CYP2C8: variants seen among roughly 807,000 people sequenced by gnomAD.
CYP2C8 encodes the protein cytochrome P450 2C8.
Under a neutral mutation model 41.3 loss-of-function variants are expected in CYP2C8, and 51 were observed. The observed-to-expected ratio is 1.24, with a 90% CI of 0.99 to 1.56. The LOEUF is 1.56. CYP2C8 is among the 40% of genes most tolerant of loss of function. The probability of loss-of-function intolerance (pLI) is 0.00; values close to 1 mark genes in which losing one functional copy is unlikely to be tolerated. For missense variants in CYP2C8, 651 were observed against 579.9 expected, an observed-to-expected ratio of 1.12 and a Z score of -1.26; for synonymous variants, 218 against 205.8, an observed-to-expected ratio of 1.06 and a Z score of -0.51.
chr10:95,068,226 T>C (rs1176690781), intron 1 of CYP2C8, among the ~76,000 whole-genome samples: 1 of 152,040 alleles, frequency 6.6e-6, no homozygotes, highest in Non-Finnish European at 1.5e-5. Flanking sequence ...TCACCCCAGG[T>C]GATTCTAATG....
rs2033356227 is a variant in CYP2C8, at chr10:95,058,486, A to G, written c.668T>C (p.Ile223Thr). ...IQVCNNFPLL[I>T]DCFPGTHNKV... ...GTTGTGAGTTCCTGGGAAACAATCA[A>G]TGAGTAGAGGGAAATTATTGCAGAC... Residue 223 changes from isoleucine to threonine, a missense_variant, in exon 5 of 9, where the codon ATT becomes ACT. Coordinates refer to ENST00000371270, the MANE Select transcript of CYP2C8 (RefSeq NM_000770.3). The G allele has an allele frequency of 5.6e-6, 9 of 1,613,058 alleles. No individual in the cohort carries two copies. The highest frequency in any genetic ancestry group is 1.1e-5 in the South Asian group (1 of 91,050).
At position 95,045,682 on chromosome 10, in the gene CYP2C8, C is replaced by T. The variant is rs1183506932; in HGVS notation, c.961+128G>A. The T allele has an allele frequency of 3.5e-6, 4 of 1,134,106 alleles. No homozygotes were observed. The African/African-American group carries it at 4.6e-5, about 13-fold the overall frequency. The allele number at this position is 1,134,106 out of a possible 1,614,324, so 70.3% of individuals were successfully genotyped here. On this transcript the variant is annotated intron_variant, in intron 6 of 8. Transcript: ENST00000371270. ...TTTAAATTGTGTCATCAAATTTAGA[C>T]AGATTACAGCTGATGACACAGAAAT...
rs61757318 is a variant in CYP2C8 at position 95,037,187 on chromosome 10, CT to C, written c.1413del (p.Val472LeufsTer23). On this transcript the variant is annotated frameshift_variant, in exon 9 of 9. Transcript: ENST00000371270. LOFTEE classifies it low-confidence loss of function (END_TRUNC). ...GGCAGAGAAACAATCCCTTTGGTAA[CT>C]GCAGTAGTATTGAGGTTCTTTAAAT... ...VDDLKNLNTT[A>X]VTKGIVSLPP... The C allele has an allele frequency of 2.3e-5, 37 of 1,613,948 alleles. No homozygotes were observed. The highest frequency in any genetic ancestry group is 3.1e-5 in the Non-Finnish European group (36 of 1,179,886).
chr10:95,042,913 A>G lies in CYP2C8; in HGVS notation c.1126T>C (p.Phe376Leu). 1 of 1,614,124 alleles carries G rather than the reference A, an allele frequency of 6.2e-7. No individual in the cohort carries two copies. Among genetic ancestry groups the G allele is most frequent in the African/African-American group, 1.3e-5 (1 of 75,048 alleles). Reference sequence around the variant, plus strand: ...ACCTTGGGGATGAGGTAGTTTCTGAACTTAGTATCAGTGGTCACTGCATGG... The same window carrying G: ...ACCTTGGGGATGAGGTAGTTTCTGAGCTTAGTATCAGTGGTCACTGCATGG... ...VPHAVTTDTK[F>L]RNYLIPKGTT... The change falls in exon 7 of 9, where the codon TTC becomes CTC. Residue 376 changes from phenylalanine to leucine, a missense_variant. Coordinates refer to ENST00000371270, the MANE Select transcript of CYP2C8 (RefSeq NM_000770.3).
At chr10:95,057,241 C>T (rs2033332268) in intron 5 of CYP2C8, among the ~76,000 whole-genome samples, 1 of 152,030 alleles carries the variant, frequency 6.6e-6, no homozygotes, top group Non-Finnish European at 1.5e-5. Context: ...GGTCCCATGT[C>T]CAAGACCCAC....
chr10:95,057,913 C>T (rs2033342704), intron 5 of CYP2C8, among the ~76,000 whole-genome samples: 2 of 152,178 alleles, frequency 1.3e-5, no homozygotes, highest in Non-Finnish European at 2.9e-5. Flanking sequence ...CTGTTCCACA[C>T]TGAAAATATA....
intron 7 of CYP2C8, among the ~76,000 whole-genome samples, chr10:95,041,729 C>T (rs887922117): frequency 1.4e-5 from 2 of 142,292 alleles, no homozygotes; most frequent in Non-Finnish European, 3.0e-5. Context: ...TGCAGTGAGC[C>T]GAGATTGCGC....
chr10:95,066,574 A>G (rs1217759116), intron 3 of CYP2C8, among the ~76,000 whole-genome samples: 1 of 152,222 alleles, frequency 6.6e-6, no homozygotes, highest in African/African-American at 2.4e-5. Flanking sequence ...ACAAGAAATA[A>G]TTAATCCTGA....
At chr10:95,054,096 T>C (rs1207319947) in intron 5 of CYP2C8, among the ~76,000 whole-genome samples, 6 of 152,226 alleles carry the variant, frequency 3.9e-5, no homozygotes, top group Middle Eastern at 3.4e-3. Flanking sequence ...CTTTTACTAC[T>C]GCTATTCAGC....
At chr10:95,065,759 A>G (rs1415468826) in intron 3 of CYP2C8, among the ~76,000 whole-genome samples, 1 of 152,208 alleles carries the variant, frequency 6.6e-6, no homozygotes, top group East Asian at 1.9e-4. Flanking sequence ...AGTCATCAAG[A>G]TAAGTATGTT....
chr10:95,052,077 G>C (rs1194174362), intron 5 of CYP2C8, among the ~76,000 whole-genome samples: 3 of 151,874 alleles, frequency 2.0e-5, no homozygotes, highest in African/African-American at 7.2e-5. Context: ...CCAGACTAAG[G>C]AAAAATATGA....
chr10:95,045,988 G>C (rs1293813317), intron 5 of CYP2C8, 37 bp from the exon 6 acceptor site: 1 of 1,610,836 alleles, frequency 6.2e-7, no homozygotes, highest in African/African-American at 1.3e-5. Context: ...GACAAATTAT[G>C]TGCCAGTATA....
chr10:95,044,840 C>G (rs538733667), intron 6 of CYP2C8, among the ~76,000 whole-genome samples: 1 of 152,166 alleles, frequency 6.6e-6, no homozygotes, highest in Admixed American at 6.6e-5. Context: ...AAATACTGAA[C>G]CTTATGAGAA....
At chr10:95,054,718 T>C (rs6583967) in intron 5 of CYP2C8, among the ~76,000 whole-genome samples, 39,868 of 152,016 alleles carry the variant, frequency 0.26, 5,443 homozygotes, top group Non-Finnish European at 0.29. Flanking sequence ...AATTTTAGGA[T>C]GTAAGATTGG....
intron 7 of CYP2C8, among the ~76,000 whole-genome samples, chr10:95,039,787 TGG>T (rs1277713121): frequency 6.6e-6 from 1 of 152,158 alleles, no homozygotes; most frequent in East Asian, 1.9e-4. Flanking sequence ...CCTTATTATG[TGG>T]GGAACTTAGC....
At chr10:95,067,845 T>C (rs1318019177) in intron 1 of CYP2C8, among the ~76,000 whole-genome samples, 154 bp from the exon 2 acceptor site, 1 of 152,238 alleles carries the variant, frequency 6.6e-6, no homozygotes, top group Non-Finnish European at 1.5e-5. Flanking sequence ...AATGTGATGG[T>C]GATTGTTATA....
chr10:95,039,165 A>G (rs1432553937), intron 7 of CYP2C8, 127 bp from the exon 8 acceptor site: 8 of 847,590 alleles, frequency 9.4e-6, no homozygotes, highest in Non-Finnish European at 1.6e-5. Flanking sequence ...CAGACACAGT[A>G]ATTTACATGG....
At chr10:95,048,268 T>G (rs1400003150) in intron 5 of CYP2C8, among the ~76,000 whole-genome samples, 2 of 152,202 alleles carry the variant, frequency 1.3e-5, no homozygotes, top group African/African-American at 4.8e-5. Flanking sequence ...CATTGACATC[T>G]TTGTCAGCCA....
intron 5 of CYP2C8, among the ~76,000 whole-genome samples, chr10:95,046,768 AGAAG>A (rs1394665515): frequency 6.8e-6 from 1 of 146,564 alleles, no homozygotes; most frequent in Non-Finnish European, 1.5e-5. Context: ...AAAAAAAAAA[AGAAG>A]GCACTTGACT....
Sources: gnomAD v4.1 joint callset for allele counts (sites outside exome capture counted in the v4.1 genomes callset) on GRCh38, gnomAD v4.1.1 for gene constraint, MANE v1.5 for transcripts, NCBI Gene and HGNC (gene_info 2026-07-23, HGNC 2026-07-21) for gene names.